FAM193A: variants seen among roughly 807,000 people sequenced by gnomAD.
FAM193A encodes protein FAM193A.
In FAM193A, 22 loss-of-function variants were observed where a neutral mutation model predicts 126.5. That is an observed-to-expected ratio of 0.17 (90% confidence interval 0.12 to 0.25). The LOEUF is 0.25. Ranked by LOEUF, FAM193A falls within the 10% of genes least tolerant of loss-of-function variation. The pLI is 1.00. For missense variants in FAM193A, 1,675 were observed against 1,672.8 expected (o/e 1.00, Z -0.02); for synonymous variants, 761 against 646.8 (o/e 1.18, Z -2.68).
chr4:2,666,361 C>G (rs1442787761), intron 12 of FAM193A, among the ~76,000 whole-genome samples: 4 of 152,160 alleles, frequency 2.6e-5, no homozygotes, highest in African/African-American at 7.2e-5. Context: ...GGATAACTCC[C>G]ACTTGGCGGT....
intron 1 of FAM193A, among the ~76,000 whole-genome samples, chr4:2,566,827 A>C (rs1440649199): frequency 1.3e-5 from 2 of 152,228 alleles, no homozygotes; most frequent in Non-Finnish European, 1.5e-5. Context: ...TTCCTTTTGT[A>C]ACAATAGTGT....
At chr4:2,597,195 G>A (rs1005668877) in intron 2 of FAM193A, among the ~76,000 whole-genome samples, 3 of 152,030 alleles carry the variant, frequency 2.0e-5, no homozygotes, top group Admixed American at 6.6e-5. Flanking sequence ...GGCCCCTCCC[G>A]CATGTCCCGC....
At chr4:2,622,602 T>C (rs1742624151) in intron 2 of FAM193A, among the ~76,000 whole-genome samples, 1 of 152,190 alleles carries the variant, frequency 6.6e-6, no homozygotes, top group Admixed American at 6.5e-5. Flanking sequence ...TGGGCTAAGC[T>C]GCTTGTAAAC....
intron 12 of FAM193A, among the ~76,000 whole-genome samples, chr4:2,668,626 A>G (rs902522144): frequency 2.6e-5 from 4 of 152,148 alleles, no homozygotes; most frequent in African/African-American, 4.8e-5. Context: ...CCTTTGTACT[A>G]TTATTGTCCT....
intron 13 of FAM193A, among the ~76,000 whole-genome samples, chr4:2,682,647 T>C (rs138734135): frequency 1.3e-5 from 2 of 152,344 alleles, no homozygotes; most frequent in East Asian, 3.8e-4. Flanking sequence ...ATCTCCTCTG[T>C]TAGTATATCA....
chr4:2,564,064 C>T (rs1738790198), intron 1 of FAM193A, among the ~76,000 whole-genome samples: 1 of 152,054 alleles, frequency 6.6e-6, no homozygotes, highest in African/African-American at 2.4e-5. Flanking sequence ...GAATTAGTAG[C>T]ATATGGCATT....
intron 2 of FAM193A, among the ~76,000 whole-genome samples, chr4:2,618,391 A>T (rs1333397640): frequency 6.6e-6 from 1 of 151,664 alleles, no homozygotes; most frequent in African/African-American, 2.4e-5. Flanking sequence ...TGCTTTGTCC[A>T]TTTTTTCAGT....
At position 2,696,534 on chromosome 4, in the gene FAM193A, G is replaced by A. The variant is rs970104123; in HGVS notation, c.3448G>A (p.Glu1150Lys). 16 of 1,614,086 alleles carry A rather than the reference G, an allele frequency of 9.9e-6. No homozygotes were observed. Among genetic ancestry groups the A allele is most frequent in the Admixed American group, 3.3e-5 (2 of 60,008 alleles). The change falls in exon 18 of 21, where the codon GAA becomes AAA. Residue 1150 changes from glutamate to lysine, a missense_variant. This residue lies in a region of FAM193A where 415 missense variants were observed against 396.7 expected (regional missense o/e 1.05). Transcript: ENST00000637812. Reference protein sequence around the residue: ...EDLLQFINSSETKPVSSTRAA... With the variant: ...EDLLQFINSSKTKPVSSTRAA... ...TTTGTTGCAGTTTATAAATAGCTCC[G>A]AAACCAAACCAGTGAGCAGCACGCG...
chr4:2,626,264 C>A (rs978809831), intron 3 of FAM193A, 146 bp from the exon 4 acceptor site: 1 of 607,416 alleles, frequency 1.6e-6, no homozygotes, highest in African/African-American at 1.8e-5. Flanking sequence ...ATGCCATCAC[C>A]CCCCTGCACT....
In FAM193A at chr4:2,696,440, G is replaced by A; in HGVS notation, c.3354G>A (p.Glu1118=). Residue 1118 remains glutamate (E), a synonymous_variant, in exon 18 of 21, where the codon GAG becomes GAA. Coordinates refer to ENST00000637812, the MANE Select transcript of FAM193A (RefSeq NM_001366318.2). ...GCTTACGGCTGACCAAGAGGAAAGA[G>A]GAGCAACCTAAAAAAATGGACCAGA... ...KLRLRLTKRK[E]EQPKKMDQIS... 6.2e-7 allele frequency: 1 copy of A among 1,614,190 alleles called. No individual in the cohort carries two copies. The highest frequency in any genetic ancestry group is 2.2e-5 in the East Asian group (1 of 44,894).
At chr4:2,630,732 G>T (rs981039060) in intron 4 of FAM193A, among the ~76,000 whole-genome samples, 1 of 152,238 alleles carries the variant, frequency 6.6e-6, no homozygotes, top group South Asian at 2.1e-4. Context: ...GTCACTTGCT[G>T]TTCCCTAGTG....
At chr4:2,703,118 A>G (rs555641326) in intron 19 of FAM193A, among the ~76,000 whole-genome samples, 1 of 152,274 alleles carries the variant, frequency 6.6e-6, no homozygotes, top group East Asian at 1.9e-4. Context: ...GAATCACTGC[A>G]CATCAGTTCG....
intron 7 of FAM193A, chr4:2,654,538 T>C (rs1745987786): frequency 1.3e-5 from 2 of 151,336 alleles, no homozygotes; most frequent in South Asian, 2.1e-4. Flanking sequence ...TACCCAAATT[T>C]GTTCCAAAAA....
In FAM193A at chr4:2,659,906, C is replaced by T; in HGVS notation, c.1597C>T (p.Leu533Phe). The T allele has an allele frequency of 1.2e-6, 2 of 1,614,204 alleles. No homozygotes were observed. The highest frequency in any genetic ancestry group is 1.6e-4 in the Middle Eastern group (1 of 6,062). Reference sequence around the variant, plus strand: ...TGACATCCACATTCACCAGCTCCCACTTCAAGTGGATCCTGCTCCTGACTA... The same window carrying T: ...TGACATCCACATTCACCAGCTCCCATTTCAAGTGGATCCTGCTCCTGACTA... ...TDDIHIHQLP[L>F]QVDPAPDYLA... The change falls in exon 10 of 21, where the codon CTT becomes TTT. Residue 533 changes from leucine to phenylalanine, a missense_variant. By Grantham distance (22) the Leu-to-Phe change is conservative. Coordinates refer to ENST00000637812, the MANE Select transcript of FAM193A (RefSeq NM_001366318.2).
rs191150060 is a variant in FAM193A, at chr4:2,703,702, G to A, written c.4372+3158G>A. Among the ~76,000 whole-genome samples, 161 of 151,282 alleles carry A rather than the reference G, an allele frequency of 1.1e-3. 2 individuals are homozygous for A. The Middle Eastern group carries it at 0.024, about 23-fold the overall frequency. ...GTGTGTTCCCGGTGTGGTGGCTCAC[G>A]CCTGTAATCCCAACACTTTGGGAAG... On this transcript the variant is annotated intron_variant, in intron 19 of 20. Coordinates refer to ENST00000637812, the MANE Select transcript of FAM193A (RefSeq NM_001366318.2).
intron 20 of FAM193A, among the ~76,000 whole-genome samples, chr4:2,722,065 T>C (rs913798303): frequency 6.6e-6 from 1 of 152,126 alleles, no homozygotes; most frequent in African/African-American, 2.4e-5. Context: ...TACCAAGAAC[T>C]ATGGTGAACT....
chr4:2,664,631 A>G (rs534452188), intron 12 of FAM193A, among the ~76,000 whole-genome samples: 112 of 126,782 alleles, frequency 8.8e-4, no homozygotes, highest in South Asian at 1.5e-3. Flanking sequence ...CAGTGGCGCG[A>G]TCTCGCCTCA....
intron 4 of FAM193A, among the ~76,000 whole-genome samples, chr4:2,629,668 A>G (rs930685444): frequency 6.6e-6 from 1 of 152,182 alleles, no homozygotes; most frequent in African/African-American, 2.4e-5. Context: ...TACATTTTAC[A>G]ACTCATTTCT....
At chr4:2,695,688 T>C (rs1343302134) in intron 17 of FAM193A, among the ~76,000 whole-genome samples, 1 of 152,194 alleles carries the variant, frequency 6.6e-6, no homozygotes, top group Admixed American at 6.5e-5. Flanking sequence ...CAGGGCTTTT[T>C]TTGGCACCAA....
Sources: allele counts gnomAD v4.1 joint callset (sites outside exome capture counted in the v4.1 genomes callset), GRCh38; gene constraint gnomAD v4.1.1; regional missense constraint gnomAD v4.1.1; transcripts MANE v1.5; gene names NCBI Gene and HGNC (gene_info 2026-07-23, HGNC 2026-07-21).